Variants in SLC39A11 observed in about 807,000 individuals in gnomAD.
SLC39A11 encodes zinc transporter ZIP11.
In SLC39A11, 33 loss-of-function variants were observed where a neutral mutation model predicts 36.1. The observed-to-expected ratio is 0.91, with a 90% confidence interval of 0.69 to 1.22. The LOEUF is 1.22. Ranked by LOEUF, SLC39A11 falls within the 50% of genes most tolerant of loss-of-function variation. The probability of loss-of-function intolerance (pLI) is 0.00; values close to 1 mark genes in which losing one functional copy is unlikely to be tolerated. For missense variants in SLC39A11, 432 were observed against 430.3 expected (o/e 1.00, Z -0.03); for synonymous variants, 166 against 170.3 (o/e 0.97, Z 0.20).
At chr17:72,937,571 GGCC>G (rs1475794092) in intron 5 of SLC39A11, among the ~76,000 whole-genome samples, 5 of 152,174 alleles carry the variant, frequency 3.3e-5, no homozygotes, top group Admixed American at 1.3e-4. Flanking sequence ...TAGGAAAGCT[GGCC>G]CACTAAGGCC....
chr17:73,051,109 G>A (rs112563522), intron 3 of SLC39A11, among the ~76,000 whole-genome samples: 7 of 152,216 alleles, frequency 4.6e-5, no homozygotes, highest in Middle Eastern at 6.8e-3. Flanking sequence ...GCTGGGCCAC[G>A]CTCCCTCTAA....
At chr17:72,997,657 A>T (rs1231589018) in intron 4 of SLC39A11, among the ~76,000 whole-genome samples, 1 of 152,244 alleles carries the variant, frequency 6.6e-6, no homozygotes, top group African/African-American at 2.4e-5. Flanking sequence ...TCCAAAAATA[A>T]TTCATAGGTT....
At chr17:72,656,125 G>T (rs183785133) in intron 7 of SLC39A11, among the ~76,000 whole-genome samples, 177 of 152,252 alleles carry the variant, frequency 1.2e-3, no homozygotes, top group African/African-American at 3.9e-3. Flanking sequence ...CAGATGAGAG[G>T]TTTCCTTTCC....
At chr17:72,723,353 T>TGTGTGTGTGTGTG (rs1567987031) in intron 7 of SLC39A11, among the ~76,000 whole-genome samples, 4 of 148,900 alleles carry the variant, frequency 2.7e-5, no homozygotes, top group African/African-American at 7.4e-5. Flanking sequence ...TGTGTGTGTG[T>TGTGTGTGTGTGTG]TTGCAGCCTA....
intron 7 of SLC39A11, among the ~76,000 whole-genome samples, chr17:72,712,423 C>A (rs1474081334): frequency 6.6e-6 from 1 of 152,170 alleles, no homozygotes; most frequent in African/African-American, 2.4e-5. Context: ...AAAGGTCAAC[C>A]CTCCCTTTAT....
intron 7 of SLC39A11, among the ~76,000 whole-genome samples, chr17:72,672,547 T>C (rs59699668): frequency 0.023 from 3,444 of 152,336 alleles, 120 homozygotes; most frequent in African/African-American, 0.077. Flanking sequence ...GACAGTGAAC[T>C]GTGGCCGTTG....
chr17:73,068,152 T>A (rs986405820), intron 3 of SLC39A11: 3 of 1,295,942 alleles, frequency 2.3e-6, no homozygotes, highest in Non-Finnish European at 3.3e-6. Context: ...CGCCAGCAGG[T>A]TCCTCTGTTC....
At chr17:72,837,874 G>A in intron 6 of SLC39A11, 1 of 1,079,512 alleles carries the variant, frequency 9.3e-7, no homozygotes, top group Admixed American at 4.3e-5. Flanking sequence ...TTAGTGCAGG[G>A]GCTGGAGGGA....
At chr17:72,702,880 T>G (rs2072713964) in intron 7 of SLC39A11, among the ~76,000 whole-genome samples, 2 of 129,690 alleles carry the variant, frequency 1.5e-5, no homozygotes, top group Admixed American at 1.9e-4. Flanking sequence ...GAGGTTGCAG[T>G]GAGCCAAGAT....
chr17:72,961,769 A>T (rs1302121534), intron 4 of SLC39A11, among the ~76,000 whole-genome samples: 1 of 152,154 alleles, frequency 6.6e-6, no homozygotes, highest in Non-Finnish European at 1.5e-5. Context: ...GGATAATATT[A>T]AAAGAAATAC....
At chr17:72,800,368 T>C (rs11651811) in intron 6 of SLC39A11, among the ~76,000 whole-genome samples, 10,107 of 143,552 alleles carry the variant, frequency 0.07, 357 homozygotes, top group African/African-American at 0.087. Flanking sequence ...TGGAGTGCAG[T>C]GGTGCAATCT....
In SLC39A11 at chr17:72,705,631, G is replaced by A. The variant is rs557776299; in HGVS notation, c.671+31019C>T. Among the ~76,000 whole-genome samples, 359 of 152,282 alleles carry A rather than the reference G, an allele frequency of 2.4e-3. 2 individuals carry two copies. Among genetic ancestry groups the A allele is most frequent in the African/African-American group, 8.2e-3 (342 of 41,554 alleles). ...AGGGCTACCTAACTCGATGGCGGAG[G>A]TTGGATTTTGGAATCAACCATGAAG... On this transcript the variant is annotated intron_variant, in intron 7 of 9. Transcript: ENST00000255559.
At chr17:72,954,586 A>C (rs1034290667) in intron 4 of SLC39A11, among the ~76,000 whole-genome samples, 2 of 152,258 alleles carry the variant, frequency 1.3e-5, no homozygotes, top group Admixed American at 1.3e-4. Flanking sequence ...AACCCCAGAC[A>C]CACAAGGCAA....
intron 6 of SLC39A11, among the ~76,000 whole-genome samples, chr17:72,776,392 C>G (rs1299072089): frequency 2.0e-5 from 3 of 152,152 alleles, no homozygotes; most frequent in Non-Finnish European, 4.4e-5. Flanking sequence ...TATACACTTT[C>G]CAGTATTGGC....
At chr17:72,886,478 C>T (rs1357681685) in intron 5 of SLC39A11, among the ~76,000 whole-genome samples, 1 of 152,144 alleles carries the variant, frequency 6.6e-6, no homozygotes, top group African/African-American at 2.4e-5. Context: ...TACCTATCCG[C>T]AAATCCCATC....
chr17:72,736,068 C>A (rs1308075523), intron 7 of SLC39A11, among the ~76,000 whole-genome samples: 1 of 152,168 alleles, frequency 6.6e-6, no homozygotes, highest in Non-Finnish European at 1.5e-5. Flanking sequence ...TCAGCTGGAG[C>A]TTGACTTGGG....
chr17:73,057,794 G>A (rs764439721), intron 3 of SLC39A11, among the ~76,000 whole-genome samples: 21 of 152,172 alleles, frequency 1.4e-4, no homozygotes, highest in African/African-American at 3.1e-4. Flanking sequence ...AAAATTAGCC[G>A]GGAACATTGG....
At chr17:72,886,171 C>A (rs965187975) in intron 5 of SLC39A11, among the ~76,000 whole-genome samples, 15 of 152,166 alleles carry the variant, frequency 9.9e-5, no homozygotes, top group African/African-American at 3.6e-4. Context: ...CCCTGGTGCT[C>A]GGTCCTCAGT....
chr17:73,075,788 G>A (rs2060299308), intron 3 of SLC39A11, among the ~76,000 whole-genome samples: 1 of 152,272 alleles, frequency 6.6e-6, no homozygotes, highest in South Asian at 2.1e-4. Context: ...TGGAGGCAGA[G>A]GTTGCAGTCA....
Sources: allele counts gnomAD v4.1 joint callset (sites outside exome capture counted in the v4.1 genomes callset), GRCh38; gene constraint gnomAD v4.1.1; transcripts MANE v1.5; gene names NCBI Gene and HGNC (gene_info 2026-07-23, HGNC 2026-07-21).